The following TXNDC16 variants were observed in gnomAD, a reference collection of about 807,000 sequenced individuals.
TXNDC16 encodes the protein thioredoxin domain containing 16.
TXNDC16 carries 74 observed loss-of-function variants against 85.6 expected under a neutral mutation model. That is an observed-to-expected ratio of 0.86 (90% CI 0.72 to 1.05). The LOEUF (loss-of-function observed/expected upper bound fraction) is 1.05, where lower values mean the gene tolerates loss of function less well. TXNDC16 is among the 50% of genes least tolerant of loss of function. The probability of loss-of-function intolerance (pLI) is 0.00; values close to 1 mark genes in which losing one functional copy is unlikely to be tolerated. For missense variants in TXNDC16, 959 were observed against 947.0 expected (o/e 1.01, Z -0.17); for synonymous variants, 335 against 326.5 (o/e 1.03, Z -0.28).
Position 52,543,555 on chromosome 14 carries a change from CATT to C in TXNDC16, c.-1_2del. The C allele has an allele frequency of 1.2e-6, 2 of 1,612,812 alleles. No homozygotes were observed. The highest frequency in any genetic ancestry group is 1.7e-6 in the Non-Finnish European group (2 of 1,179,390). On this transcript the variant is annotated start_lost and start_retained_variant and 5_prime_UTR_variant, in exon 3 of 21. Coordinates refer to ENST00000281741, the MANE Select transcript of TXNDC16 (RefSeq NM_020784.3). ...CTCTAAAGACATTGAAGCCGGAAAACATTATCAGCTGCAGTTGTATCTGAGCGG... is the reference window on the plus strand; with the variant it reads ...CTCTAAAGACATTGAAGCCGGAAAACATCAGCTGCAGTTGTATCTGAGCGG...
intron 16 of TXNDC16, among the ~76,000 whole-genome samples, chr14:52,466,657 G>A (rs536176192): frequency 1.3e-5 from 2 of 151,992 alleles, no homozygotes; most frequent in East Asian, 3.9e-4. Context: ...ACAAGGTCAG[G>A]AGATGGAAAC....
At chr14:52,511,485 T>C (rs1594743840) in intron 8 of TXNDC16, 95 bp from the exon 9 acceptor site, 1 of 728,124 alleles carries the variant, frequency 1.4e-6, no homozygotes, top group Non-Finnish European at 2.0e-6. Flanking sequence ...TTAAGTCTCA[T>C]GCTTTTGAAT....
chr14:52,532,499 C>T (rs1254827038), intron 6 of TXNDC16, among the ~76,000 whole-genome samples: 3 of 151,904 alleles, frequency 2.0e-5, no homozygotes, highest in East Asian at 3.9e-4. Flanking sequence ...TGCAGTGGCG[C>T]GATCTCAGCT....
At chr14:52,435,192 C>A (rs868183024) in intron 20 of TXNDC16, among the ~76,000 whole-genome samples, 1 of 151,260 alleles carries the variant, frequency 6.6e-6, no homozygotes, top group African/African-American at 2.4e-5. Context: ...TTGCCTAGAG[C>A]CACATAGTAA....
At chr14:52,530,447 AT>A (rs1163528155) in intron 6 of TXNDC16, among the ~76,000 whole-genome samples, 3 of 12,684 alleles carry the variant, frequency 2.4e-4, no homozygotes, top group African/African-American at 1.0e-3. Context: ...ATAATATATT[AT>A]TATATAATAA....
At chr14:52,490,032 T>A (rs1266480273) in intron 11 of TXNDC16, among the ~76,000 whole-genome samples, 1 of 152,126 alleles carries the variant, frequency 6.6e-6, no homozygotes, top group Non-Finnish European at 1.5e-5. Context: ...TCTCCCGATG[T>A]TGCCTAGGCT....
At chr14:52,455,800 G>A (rs985840183) in intron 17 of TXNDC16, among the ~76,000 whole-genome samples, 27 of 152,182 alleles carry the variant, frequency 1.8e-4, no homozygotes, top group African/African-American at 5.8e-4. Context: ...CCACAATGCT[G>A]AGTAAGAAAA....
At chr14:52,504,223 C>T (rs2036733871) in intron 9 of TXNDC16, among the ~76,000 whole-genome samples, 1 of 152,076 alleles carries the variant, frequency 6.6e-6, no homozygotes, top group Admixed American at 6.6e-5. Flanking sequence ...CAGAGAACAC[C>T]ACAAACATAC....
Position 52,457,113 on chromosome 14 carries a change from A to T in TXNDC16, c.1680T>A (p.Tyr560Ter). 1.3e-6 allele frequency: 2 copies of T among 1,590,676 alleles called. No homozygotes were observed. The highest frequency in any genetic ancestry group is 1.7e-6 in the Non-Finnish European group (2 of 1,171,766). ...ACAGTAGCAAAACATCTTCTTCAGAATAAATTCCAGTGATAACATATCCTT... is the reference window on the plus strand; with the variant it reads ...ACAGTAGCAAAACATCTTCTTCAGATTAAATTCCAGTGATAACATATCCTT... Reference protein sequence around the residue: ...YLKGYVITGIYSEEDVLLLST... With the variant: ...YLKGYVITGI The change falls in exon 17 of 21, where the codon TAT (tyrosine) becomes TAA (stop). Residue 560 changes from tyrosine (Y) to a stop codon, truncating the protein, a stop_gained. Coordinates refer to ENST00000281741, the MANE Select transcript of TXNDC16 (RefSeq NM_020784.3). LOFTEE classifies it high-confidence loss of function.
chr14:52,511,411 A>G, intron 8 of TXNDC16, 21 bp from the exon 9 acceptor site: 2 of 1,527,246 alleles, frequency 1.3e-6, no homozygotes, highest in East Asian at 4.6e-5. Context: ...AAAATTAATT[A>G]ACTTAATGAA....
chr14:52,469,858 A>C (rs1035665642), intron 16 of TXNDC16, among the ~76,000 whole-genome samples, 179 bp downstream of exon 16: 1 of 152,222 alleles, frequency 6.6e-6, no homozygotes, highest in African/African-American at 2.4e-5. Context: ...AAAAAGATGG[A>C]AGAAATTACA....
At position 52,504,348 on chromosome 14, in the gene TXNDC16, T is replaced by C. The variant is rs577024225; in HGVS notation, c.756+6892A>G. ...AGGTCGGGTTACCCACAGAGGGAAG[T>C]CCATCAGACTAACAGCTGATCTCTC... is the stretch of plus-strand genomic sequence containing the variant. On this transcript the variant is annotated intron_variant, in intron 9 of 20. Coordinates refer to ENST00000281741, the MANE Select transcript of TXNDC16 (RefSeq NM_020784.3). 1.2e-4 allele frequency among the ~76,000 whole-genome samples: 18 copies of C among 152,266 alleles called. No individual in the cohort carries two copies. In the East Asian group the frequency reaches 2.9e-3, roughly 24 times the overall value.
intron 1 of TXNDC16, among the ~76,000 whole-genome samples, chr14:52,550,877 T>A (rs2038028793): frequency 1.3e-5 from 2 of 152,168 alleles, no homozygotes; most frequent in Non-Finnish European, 2.9e-5. Flanking sequence ...GCATCCTGTC[T>A]CCTATTTGAA....
chr14:52,453,104 G>C (rs775879088), intron 18 of TXNDC16, among the ~76,000 whole-genome samples: 1 of 152,166 alleles, frequency 6.6e-6, no homozygotes, highest in Non-Finnish European at 1.5e-5. Flanking sequence ...TTGATCATCA[G>C]AGAAATGCAA....
At chr14:52,543,284 T>G (rs1465202239) in intron 3 of TXNDC16, 114 bp downstream of exon 3, 11 of 1,150,730 alleles carry the variant, frequency 9.6e-6, no homozygotes, top group Non-Finnish European at 1.3e-5. Flanking sequence ...CATATTATAG[T>G]AACAGCTATA....
intron 9 of TXNDC16, among the ~76,000 whole-genome samples, chr14:52,503,317 AC>A (rs1458020310): frequency 1.3e-5 from 2 of 152,048 alleles, no homozygotes; most frequent in African/African-American, 2.4e-5. Context: ...ACTGGGAGGT[AC>A]CCCCCAGTAG....
In TXNDC16 at chr14:52,507,139, T is replaced by C. The variant is rs536054387; in HGVS notation, c.756+4101A>G. Reference sequence around the variant, plus strand: ...AAGTCAAATTGTCCCTGTTTGCAGATGACATGATTGTATATCTAGAAAACC... The same window carrying C: ...AAGTCAAATTGTCCCTGTTTGCAGACGACATGATTGTATATCTAGAAAACC... On this transcript the variant is annotated intron_variant, in intron 9 of 20. Transcript: ENST00000281741. Among the ~76,000 whole-genome samples the C allele has an allele frequency of 5.9e-5, 9 of 152,216 alleles. No individual in the cohort carries two copies. In the East Asian group the frequency reaches 1.2e-3, roughly 20 times the overall value.
intron 5 of TXNDC16, 137 bp from the exon 6 acceptor site, chr14:52,536,930 A>T (rs753373364): frequency 1.4e-5 from 9 of 644,624 alleles, no homozygotes; most frequent in African/African-American, 3.7e-5. Context: ...CATACTCCAC[A>T]TACCTACCAG....
At chr14:52,517,396 G>A (rs2037109224) in intron 7 of TXNDC16, among the ~76,000 whole-genome samples, 4 of 152,032 alleles carry the variant, frequency 2.6e-5, no homozygotes, top group Admixed American at 2.6e-4. Flanking sequence ...AACTATTATT[G>A]CTGCCTAACA....
Sources: gnomAD v4.1 joint callset for allele counts (sites outside exome capture counted in the v4.1 genomes callset) on GRCh38, gnomAD v4.1.1 for gene constraint, MANE v1.5 for transcripts, NCBI Gene and HGNC (gene_info 2026-07-23, HGNC 2026-07-21) for gene names.